NEGR1: variants seen among roughly 807,000 people sequenced by gnomAD.
NEGR1 encodes the protein IgLON family member 4.
In NEGR1, 10 loss-of-function variants were observed where a neutral mutation model predicts 40.9. The observed-to-expected ratio is 0.24, with a 90% confidence interval of 0.15 to 0.42. NEGR1 has a LOEUF of 0.42. Among genes scored for constraint, NEGR1 ranks in the 10% least tolerant of loss-of-function variants. The pLI, the probability that NEGR1 is intolerant of heterozygous loss-of-function variation, is 1.00. For missense variants in NEGR1, 352 were observed against 438.9 expected, an observed-to-expected ratio of 0.80 and a Z score of 1.77; for synonymous variants, 185 against 166.8, an observed-to-expected ratio of 1.11 and a Z score of -0.84.
chr1:71,586,822 T>C (rs1215830035), intron 6 of NEGR1, among the ~76,000 whole-genome samples: 2 of 152,164 alleles, frequency 1.3e-5, no homozygotes, highest in Admixed American at 1.3e-4. Context: ...TGATTATGTC[T>C]GTGTGTGTTA....
intron 1 of NEGR1, among the ~76,000 whole-genome samples, chr1:72,086,513 C>T (rs886982260): frequency 7.2e-5 from 11 of 152,096 alleles, no homozygotes; most frequent in African/African-American, 2.4e-4. Flanking sequence ...TATTGAGTGC[C>T]CAAATTTATT....
At chr1:72,269,639 A>T (rs910498578) in intron 1 of NEGR1, among the ~76,000 whole-genome samples, 13 of 151,694 alleles carry the variant, frequency 8.6e-5, no homozygotes, top group African/African-American at 3.1e-4. Flanking sequence ...GTGAGGATTC[A>T]TTGCAGTGAC....
rs1017451760 is a variant in NEGR1 at position 71,401,985 on chromosome 1, C to T, written c.*5461G>A. ...GAAAATACAAGGATGTCATAAATATCTATATTTATATTTAAAATGTGCTTA... is the reference window on the plus strand; with the variant it reads ...GAAAATACAAGGATGTCATAAATATTTATATTTATATTTAAAATGTGCTTA... On this transcript the variant is annotated 3_prime_UTR_variant, in exon 7 of 7. Transcript: ENST00000357731. 6.6e-6 allele frequency: 1 copy of T among 151,592 alleles called. No individual in the cohort carries two copies. Among genetic ancestry groups the T allele is most frequent in the African/African-American group, 2.4e-5 (1 of 41,260 alleles). 9.4% of individuals were successfully genotyped at this position (151,592 alleles called of 1,614,324 possible).
intron 2 of NEGR1, among the ~76,000 whole-genome samples, chr1:71,922,554 C>T (rs1051634244): frequency 6.6e-6 from 1 of 152,102 alleles, no homozygotes; most frequent in Non-Finnish European, 1.5e-5. Context: ...AGAATTTCTC[C>T]ATGAGAAGGG....
At chr1:71,839,198 CTTTTTTTTT>C (rs140520810) in intron 2 of NEGR1, among the ~76,000 whole-genome samples, 1 of 80,030 alleles carries the variant, frequency 1.2e-5, no homozygotes, top group Non-Finnish European at 2.3e-5. Flanking sequence ...AGAGACCAGA[CTTTTTTTTT>C]TTTTTTTTTT....
chr1:71,614,930 C>A (rs1242834779), intron 4 of NEGR1, among the ~76,000 whole-genome samples: 1 of 151,644 alleles, frequency 6.6e-6, no homozygotes, highest in Non-Finnish European at 1.5e-5. Context: ...ATGATGGACA[C>A]CGAAAATGGA....
In NEGR1 at chr1:71,736,113, C is replaced by A. The variant is rs371899588; in HGVS notation, c.536-37974G>T. Among the ~76,000 whole-genome samples, 21 of 152,166 alleles carry A rather than the reference C, an allele frequency of 1.4e-4. No individual in the cohort carries two copies. The East Asian group carries it at 2.3e-3, about 17-fold the overall frequency. ...ATCAAGTACATTGACCAAAGCCAGG[C>A]TAGCCAATTAGAAAAAAGAATTTTC... On this transcript the variant is annotated intron_variant, in intron 3 of 6. Transcript: ENST00000357731.
chr1:72,167,667 C>A (rs1308362181), intron 1 of NEGR1, among the ~76,000 whole-genome samples: 1 of 152,014 alleles, frequency 6.6e-6, no homozygotes, highest in Non-Finnish European at 1.5e-5. Context: ...TCAACAACAA[C>A]AAAAACAGTT....
chr1:71,805,022 G>C (rs941512996), intron 2 of NEGR1, among the ~76,000 whole-genome samples: 3 of 152,096 alleles, frequency 2.0e-5, no homozygotes, highest in Non-Finnish European at 4.4e-5. Flanking sequence ...GGCTGCTTTG[G>C]GGGTGGCTGT....
intron 4 of NEGR1, among the ~76,000 whole-genome samples, chr1:71,650,114 C>A (rs1395706612): frequency 6.6e-6 from 1 of 151,984 alleles, no homozygotes; most frequent in East Asian, 1.9e-4. Context: ...TTTTATGTAT[C>A]TTCAAATAAA....
intron 1 of NEGR1, among the ~76,000 whole-genome samples, chr1:71,953,588 TA>T (rs1215109953): frequency 6.6e-6 from 1 of 152,026 alleles, no homozygotes; most frequent in Non-Finnish European, 1.5e-5. Flanking sequence ...CTATTGTGGG[TA>T]TGACGCTATC....
intron 1 of NEGR1, among the ~76,000 whole-genome samples, chr1:72,240,571 C>A (rs1457208931): frequency 6.6e-6 from 1 of 151,766 alleles, no homozygotes; most frequent in African/African-American, 2.4e-5. Flanking sequence ...AGACAAAGCA[C>A]AATCAAAACA....
rs112949927 is a variant in NEGR1, at chr1:72,148,447, C to T, written c.176+133872G>A. ...TGATATAGCCTAGAGACATTTTCCC[C>T]ATGGTGTTGGGGACTAACATTAGGC... On this transcript the variant is annotated intron_variant, in intron 1 of 6. Coordinates refer to ENST00000357731, the MANE Select transcript of NEGR1 (RefSeq NM_173808.3). Among the ~76,000 whole-genome samples the T allele has an allele frequency of 5.9e-3, 891 of 152,138 alleles. 10 individuals are homozygous for T. Among genetic ancestry groups the T allele is most frequent in the African/African-American group, 0.02 (848 of 41,516 alleles).
chr1:72,180,319 C>T (rs369998834), intron 1 of NEGR1, among the ~76,000 whole-genome samples: 51 of 151,546 alleles, frequency 3.4e-4, no homozygotes, highest in East Asian at 9.7e-4. Context: ...CAATTCAAAA[C>T]GGATAAAAGA....
intron 4 of NEGR1, among the ~76,000 whole-genome samples, chr1:71,668,676 C>T (rs1056367752): frequency 1.3e-5 from 2 of 151,938 alleles, no homozygotes; most frequent in Non-Finnish European, 2.9e-5. Flanking sequence ...CATCAGATAT[C>T]TAGATGACAA....
chr1:71,435,538 A>C (rs1361978124), intron 6 of NEGR1, among the ~76,000 whole-genome samples: 2 of 152,220 alleles, frequency 1.3e-5, no homozygotes, highest in Non-Finnish European at 2.9e-5. Context: ...TCTGAAAAAA[A>C]AAAAGTCACA....
intron 6 of NEGR1, chr1:71,408,009 A>C (rs1381345575): frequency 6.5e-6 from 1 of 152,844 alleles, no homozygotes; most frequent in Non-Finnish European, 1.5e-5. Flanking sequence ...GGAAAACAAG[A>C]ATATTGTCCC....
intron 2 of NEGR1, among the ~76,000 whole-genome samples, chr1:71,827,395 A>G (rs1241482854): frequency 3.3e-5 from 5 of 151,812 alleles, no homozygotes; most frequent in Non-Finnish European, 7.4e-5. Flanking sequence ...ACTCTTACCA[A>G]CAAGAATCTT....
chr1:72,168,009 T>TC (rs200032888), intron 1 of NEGR1, among the ~76,000 whole-genome samples: 1 of 146,566 alleles, frequency 6.8e-6, no homozygotes. Context: ...ATTATTATTT[T>TC]TTTTTTTTTT....
Sources: gnomAD v4.1 joint callset for allele counts (sites outside exome capture counted in the v4.1 genomes callset) on GRCh38, gnomAD v4.1.1 for gene constraint, MANE v1.5 for transcripts, NCBI Gene and HGNC (gene_info 2026-07-23, HGNC 2026-07-21) for gene names.